The following BCAP31 variants were observed in gnomAD, a reference collection of about 807,000 sequenced individuals.
The protein encoded by BCAP31 is B-cell receptor-associated protein 31.
For missense variants in BCAP31, 124 were observed against 193.0 expected (o/e 0.64, Z 2.12); for synonymous variants, 75 against 80.9 (o/e 0.93, Z 0.39).
chrX:153,716,719 C>T (rs2058412610), intron 3 of BCAP31, among the ~76,000 whole-genome samples: 1 of 111,650 alleles, frequency 9.0e-6, no homozygotes, highest in Non-Finnish European at 1.9e-5. Context: ...ACGATCACAC[C>T]ACTGCATTCC....
intron 6 of BCAP31, 53 bp downstream of exon 6, chrX:153,702,882 G>A: frequency 8.4e-7 from 1 of 1,196,798 alleles, no homozygotes; most frequent in South Asian, 1.8e-5. Context: ...GCAGCGGGCA[G>A]AGGAGGCTCC....
At chrX:153,709,317 C>CA (rs1214751653) in intron 4 of BCAP31, among the ~76,000 whole-genome samples, 7 of 112,183 alleles carry the variant, frequency 6.2e-5, no homozygotes, top group African/African-American at 2.3e-4. Context: ...AAAGAGGAAA[C>CA]AAAAGATGCC....
At chrX:153,708,240 G>A (rs2091567138) in intron 4 of BCAP31, among the ~76,000 whole-genome samples, 1 of 112,426 alleles carries the variant, frequency 8.9e-6, no homozygotes, top group Non-Finnish European at 1.9e-5. Flanking sequence ...GAGAAGGCAG[G>A]AGAAACAGAA....
In BCAP31 at chrX:153,702,802, G is replaced by A. The variant is rs782535255; in HGVS notation, c.601+133C>T. 616 of 935,850 alleles carry A rather than the reference G, an allele frequency of 6.6e-4. 3 individuals are homozygous for A. The highest frequency in any genetic ancestry group is 8.3e-4 in the Middle Eastern group (2 of 2,411). The allele number at this position is 935,850 out of a possible 1,213,427, so 77.1% of individuals were successfully genotyped here. A position where few individuals can be genotyped will look rare whatever the true frequency, so the allele number is the denominator to read the frequency against. On this transcript the variant is annotated intron_variant, in intron 6 of 7. Coordinates refer to ENST00000345046, the MANE Select transcript of BCAP31 (RefSeq NM_001256447.2). ...GGGGTTGGAGGCGCAGGGTGCTATT[G>A]GTCTGTTTTCAGCCAGCCCTCGAGC...
At chrX:153,713,084 G>A (rs1557049442) in intron 4 of BCAP31, among the ~76,000 whole-genome samples, 1 of 111,351 alleles carries the variant, frequency 9.0e-6, no homozygotes, top group Non-Finnish European at 1.9e-5. Flanking sequence ...GCGGGCGCCT[G>A]TAGTCCCAGC....
chrX:153,721,435 CAAA>C (rs782544895), intron 2 of BCAP31, among the ~76,000 whole-genome samples: 2 of 32,568 alleles, frequency 6.1e-5, no homozygotes. Flanking sequence ...GACCTTGTCT[CAAA>C]AAAAAAAAAA....
intron 1 of BCAP31, chrX:153,723,926 A>G: frequency 2.1e-6 from 1 of 487,243 alleles, no homozygotes; most frequent in Non-Finnish European, 3.7e-6. Flanking sequence ...ATTCGGGACC[A>G]AGCGCAAAGG....
Position 153,723,176 on chromosome X carries a change from G to A in BCAP31, c.69C>T (p.Cys23=). Residue 23 remains cysteine, a synonymous_variant, in exon 2 of 8, where the codon TGC becomes TGT. Coordinates refer to ENST00000345046, the MANE Select transcript of BCAP31 (RefSeq NM_001256447.2). ...YAEVFVVLLL[C]IPFISPKRWQ... ...ACCTTTTAGGAGAAATGAAGGGAAT[G>A]CAGAGAAGCAACACAACAAAGACCT... is the stretch of plus-strand genomic sequence containing the variant. 2 of 1,210,911 alleles carry A rather than the reference G, an allele frequency of 1.7e-6. No homozygotes were observed. Among genetic ancestry groups the A allele is most frequent in the Non-Finnish European group, 2.2e-6 (2 of 895,268 alleles).
chrX:153,708,266 G>C (rs2091567304), intron 4 of BCAP31, among the ~76,000 whole-genome samples: 2 of 112,565 alleles, frequency 1.8e-5, no homozygotes, highest in East Asian at 5.6e-4. Context: ...CCACAGACTA[G>C]AGAAACAGGG....
At position 153,706,858 on chromosome X, in the gene BCAP31, C is replaced by CG. The variant is rs782415176; in HGVS notation, c.342-2765_342-2764insC. Reference sequence around the variant, plus strand: ...TGTCAACTGCAAACATGCCCACCATCATCCCCACTGCTGGCGCCTCCTCCC... The same window carrying CG: ...TGTCAACTGCAAACATGCCCACCATCGATCCCCACTGCTGGCGCCTCCTCCC... On this transcript the variant is annotated intron_variant, in intron 4 of 7. Coordinates refer to ENST00000345046, the MANE Select transcript of BCAP31 (RefSeq NM_001256447.2). Among the ~76,000 whole-genome samples, 10 of 112,222 alleles carry CG rather than the reference C, an allele frequency of 8.9e-5. No individual in the cohort carries two copies. In the East Asian group the frequency reaches 2.8e-3, roughly 31 times the overall value.
intron 2 of BCAP31, among the ~76,000 whole-genome samples, chrX:153,722,712 A>G (rs909846371): frequency 8.9e-6 from 1 of 111,988 alleles, no homozygotes; most frequent in South Asian, 3.7e-4. Flanking sequence ...CATCCTCCAC[A>G]GGCTGAGTAA....
rs879971268 is a variant in BCAP31, at chrX:153,715,692, G to A, written c.194-3C>T. On this transcript the variant is annotated splice_polypyrimidine_tract_variant and splice_region_variant and intron_variant, in intron 3 of 7. Transcript: ENST00000345046. The stretch of plus-strand genomic sequence containing the variant: ...CTTCCGAATTTCGCGCACGGCATCT[G>A]TGGTGGAGCAGAGAGGAGACACGGG... 3.3e-6 allele frequency: 4 copies of A among 1,211,292 alleles called. No individual in the cohort carries two copies. In the East Asian group the frequency reaches 8.9e-5, roughly 27 times the overall value.
At chrX:153,721,628 C>T (rs2091667650) in intron 2 of BCAP31, among the ~76,000 whole-genome samples, 1 of 106,644 alleles carries the variant, frequency 9.4e-6, no homozygotes, top group Non-Finnish European at 1.9e-5. Flanking sequence ...TGGCTCACGT[C>T]TGTAAACCCA....
chrX:153,715,128 G>A (rs1209730539), intron 4 of BCAP31, among the ~76,000 whole-genome samples: 1 of 111,959 alleles, frequency 8.9e-6, no homozygotes, highest in Non-Finnish European at 1.9e-5. Context: ...GCCTCTTCGT[G>A]CCACTTTTAC....
intron 4 of BCAP31, among the ~76,000 whole-genome samples, chrX:153,713,869 C>T (rs1410043222): frequency 9.3e-6 from 1 of 107,019 alleles, no homozygotes. Context: ...TTTTCACCTT[C>T]CCGATACTAT....
At chrX:153,712,407 AAAATAAAT>A (rs59092567) in intron 4 of BCAP31, among the ~76,000 whole-genome samples, 1 of 35,103 alleles carries the variant, frequency 2.8e-5, no homozygotes, top group Non-Finnish European at 1.0e-4. Context: ...TGTCTCAAAA[AAAATAAAT>A]AAATAAATAA....
chrX:153,711,603 A>G (rs1158674588), intron 4 of BCAP31, among the ~76,000 whole-genome samples: 1 of 112,535 alleles, frequency 8.9e-6, no homozygotes, highest in African/African-American at 3.2e-5. Context: ...TGGGACATAA[A>G]GAACATGGAA....
chrX:153,709,127 C>G (rs781995967), intron 4 of BCAP31, among the ~76,000 whole-genome samples: 30 of 111,700 alleles, frequency 2.7e-4, no homozygotes, highest in Non-Finnish European at 5.6e-5. Context: ...AACCAGCTAT[C>G]TGAGGGGTTT....
intron 2 of BCAP31, 63 bp from the exon 3 acceptor site, chrX:153,721,035 T>C (rs1404905132): frequency 1.9e-5 from 19 of 999,291 alleles, no homozygotes; most frequent in Non-Finnish European, 2.5e-5. Flanking sequence ...TCTAGGGCCC[T>C]GAGCAAAATG....
Sources: gnomAD v4.1 joint callset for allele counts (sites outside exome capture counted in the v4.1 genomes callset) on GRCh38, gnomAD v4.1.1 for gene constraint, MANE v1.5 for transcripts, NCBI Gene and HGNC (gene_info 2026-07-23, HGNC 2026-07-21) for gene names.